Variants in RHPN2 observed in about 807,000 individuals in gnomAD.
RHPN2 encodes the protein rhophilin-2.
In RHPN2, 40 loss-of-function variants were observed where a neutral mutation model predicts 79.0. That is an observed-to-expected ratio of 0.51 (90% CI 0.39 to 0.66). The LOEUF (loss-of-function observed/expected upper bound fraction) is 0.66. RHPN2 is among the 30% of genes least tolerant of loss of function. The pLI is 0.00. For missense variants in RHPN2, 686 were observed against 883.5 expected (o/e 0.78, Z 2.83); for synonymous variants, 285 against 363.5 (o/e 0.78, Z 2.46).
chr19:33,002,780 C>G, intron 8 of RHPN2, 33 bp downstream of exon 8: 1 of 1,611,502 alleles, frequency 6.2e-7, no homozygotes. Flanking sequence ...CTCCTGCCCA[C>G]TCCCCAAAGT....
chr19:32,997,179 G>A (rs3855675), intron 10 of RHPN2, among the ~76,000 whole-genome samples: 121,605 of 152,188 alleles, frequency 0.8, 49,465 homozygotes, highest in African/African-American at 0.95. Context: ...GATGACAGGC[G>A]TGAGTCACCG....
intron 1 of RHPN2, among the ~76,000 whole-genome samples, chr19:33,045,905 GT>G (rs1299993275): frequency 1.3e-5 from 2 of 152,236 alleles, no homozygotes; most frequent in East Asian, 3.9e-4. Flanking sequence ...GTCTTTACAG[GT>G]TTGCTTATTC....
chr19:33,040,814 C>T lies in RHPN2; in HGVS notation c.185+3435G>A, dbSNP rs145135285. On this transcript the variant is annotated intron_variant, in intron 2 of 14. Transcript: ENST00000254260. ...ACTAAAAGTATAAAATTTAGCCAGG[C>T]ATGGTGGCACATGCCTATAATCCCA... Among the ~76,000 whole-genome samples the T allele has an allele frequency of 4.8e-3, 727 of 152,102 alleles. 3 individuals carry two copies. The highest frequency in any genetic ancestry group is 0.017 in the African/African-American group (699 of 41,506).
intron 13 of RHPN2, among the ~76,000 whole-genome samples, chr19:32,991,038 T>C (rs1311580862): frequency 1.4e-5 from 2 of 143,164 alleles, no homozygotes; most frequent in Non-Finnish European, 3.0e-5. Context: ...AAAGCCAAAA[T>C]TGGCCAGGCA....
At chr19:33,042,835 C>T (rs530800118) in intron 2 of RHPN2, among the ~76,000 whole-genome samples, 56 of 152,282 alleles carry the variant, frequency 3.7e-4, no homozygotes, top group African/African-American at 1.1e-3. Flanking sequence ...AATCCCAGCA[C>T]TTTGGGAGGC....
intron 1 of RHPN2, among the ~76,000 whole-genome samples, chr19:33,049,296 G>A (rs1441755453): frequency 6.6e-6 from 1 of 152,146 alleles, no homozygotes; most frequent in African/African-American, 2.4e-5. Flanking sequence ...CTCTGTAGGG[G>A]ACAAGGTGGC....
chr19:33,039,651 A>G (rs1342525097), intron 2 of RHPN2, among the ~76,000 whole-genome samples: 1 of 152,086 alleles, frequency 6.6e-6, no homozygotes, highest in African/African-American at 2.4e-5. Context: ...CAGCTTGGCC[A>G]ACATGGCAAA....
chr19:33,031,204 C>A (rs945705872), intron 2 of RHPN2, among the ~76,000 whole-genome samples: 2 of 148,508 alleles, frequency 1.3e-5, no homozygotes, highest in African/African-American at 4.9e-5. Flanking sequence ...TTATTCTATT[C>A]TATTCTTTCT....
chr19:33,013,368 T>A (rs1599818280), intron 4 of RHPN2, among the ~76,000 whole-genome samples: 1 of 151,892 alleles, frequency 6.6e-6, no homozygotes, highest in African/African-American at 2.4e-5. Flanking sequence ...CTAATTTTTG[T>A]ATTTTTAGTA....
intron 4 of RHPN2, among the ~76,000 whole-genome samples, chr19:33,020,727 C>G (rs1220042059): frequency 6.6e-6 from 1 of 152,206 alleles, no homozygotes; most frequent in Non-Finnish European, 1.5e-5. Context: ...TCTTCAACTC[C>G]TGAGCTCAAG....
intron 6 of RHPN2, 58 bp from the exon 7 acceptor site, chr19:33,008,238 G>T: frequency 2.3e-5 from 33 of 1,427,754 alleles, no homozygotes; most frequent in Non-Finnish European, 2.9e-5. Context: ...AATGCTACAA[G>T]TGGAAAAAAT....
intron 10 of RHPN2, among the ~76,000 whole-genome samples, chr19:32,998,688 G>A (rs575692437): frequency 1.3e-4 from 11 of 82,458 alleles, no homozygotes; most frequent in African/African-American, 4.3e-4. Context: ...GAGGGAGGAC[G>A]GGTAGATGGG....
intron 2 of RHPN2, among the ~76,000 whole-genome samples, chr19:33,030,906 A>G (rs1415215659): frequency 2.0e-5 from 3 of 152,160 alleles, no homozygotes; most frequent in Non-Finnish European, 4.4e-5. Flanking sequence ...GACCAGTCAC[A>G]CATCCTGGGA....
In RHPN2 at chr19:33,005,955, G is replaced by A. The variant is rs191265073; in HGVS notation, c.760+2059C>T. On this transcript the variant is annotated intron_variant, in intron 7 of 14. Coordinates refer to ENST00000254260, the MANE Select transcript of RHPN2 (RefSeq NM_033103.5). ...GTCGCCCAAGCTGGAGTGCAATGGC[G>A]CGATCTTGGCTTACCACAACCTCGG... Among the ~76,000 whole-genome samples the A allele has an allele frequency of 7.5e-4, 114 of 152,054 alleles. 1 individual carries two copies. Among genetic ancestry groups the A allele is most frequent in the African/African-American group, 2.4e-3 (101 of 41,486 alleles).
chr19:32,999,792 C>CT, intron 9 of RHPN2, 87 bp from the exon 10 acceptor site: 1 of 1,542,376 alleles, frequency 6.5e-7, no homozygotes, highest in Non-Finnish European at 8.8e-7. Context: ...CTCCAGCTTC[C>CT]TTTTTTCTGC....
chr19:33,050,528 C>T (rs1972178214), intron 1 of RHPN2, among the ~76,000 whole-genome samples: 1 of 152,184 alleles, frequency 6.6e-6, no homozygotes, highest in African/African-American at 2.4e-5. Flanking sequence ...CCCAGGCAAC[C>T]AATACTCTGA....
chr19:33,043,279 A>G (rs12461135), intron 2 of RHPN2, among the ~76,000 whole-genome samples: 59,184 of 151,958 alleles, frequency 0.39, 15,334 homozygotes, highest in African/African-American at 0.71. Flanking sequence ...CGCCAGACGC[A>G]GTAGCTCGCG....
chr19:33,026,820 T>C, intron 2 of RHPN2, 188 bp from the exon 3 acceptor site: 1 of 604,738 alleles, frequency 1.7e-6, no homozygotes, highest in East Asian at 3.3e-5. Context: ...TGCCAGTACG[T>C]GGAGCTGGGG....
intron 3 of RHPN2, 79 bp downstream of exon 3, chr19:33,026,425 G>T: frequency 6.4e-7 from 1 of 1,567,888 alleles, no homozygotes; most frequent in Non-Finnish European, 8.7e-7. Flanking sequence ...AACGCTATCT[G>T]ACCTCTTTGT....
Sources: gnomAD v4.1 joint callset for allele counts (sites outside exome capture counted in the v4.1 genomes callset) on GRCh38, gnomAD v4.1.1 for gene constraint, MANE v1.5 for transcripts, NCBI Gene and HGNC (gene_info 2026-07-23, HGNC 2026-07-21) for gene names.